The following IL1RAPL1 variants were observed in gnomAD, a reference collection of about 807,000 sequenced individuals.
The protein encoded by IL1RAPL1 is interleukin 1 receptor accessory protein like 1.
In IL1RAPL1, 3 loss-of-function variants were observed where a neutral mutation model predicts 48.4. The observed-to-expected ratio is 0.06, with a 90% CI of 0.03 to 0.16. The LOEUF (loss-of-function observed/expected upper bound fraction) is 0.16. Among genes scored for constraint, IL1RAPL1 ranks in the 10% least tolerant of loss-of-function variants. The pLI is 1.00. For synonymous variants in IL1RAPL1, 185 were observed against 187.7 expected (o/e 0.99, Z 0.12); for missense variants, 349 against 530.6 (o/e 0.66, Z 3.36).
chrX:29,237,288 T>G (rs1931328482), intron 2 of IL1RAPL1, among the ~76,000 whole-genome samples: 1 of 111,976 alleles, frequency 8.9e-6, no homozygotes, highest in Non-Finnish European at 1.9e-5. Context: ...GCATTTAAGT[T>G]TGTAGATACT....
chrX:29,600,620 A>G (rs914219591), intron 5 of IL1RAPL1, among the ~76,000 whole-genome samples: 1 of 111,258 alleles, frequency 9.0e-6, no homozygotes, highest in Non-Finnish European at 1.9e-5. Flanking sequence ...GGGCAGGGCC[A>G]TAGACCTCCC....
chrX:28,943,281 TAGAG>T (rs773041389), intron 2 of IL1RAPL1, among the ~76,000 whole-genome samples: 1 of 109,098 alleles, frequency 9.2e-6, no homozygotes, highest in African/African-American at 3.3e-5. Flanking sequence ...GGCAGGGGGA[TAGAG>T]AGACAGAAAT....
chrX:29,621,938 T>C (rs920967734), intron 5 of IL1RAPL1, among the ~76,000 whole-genome samples: 1 of 112,038 alleles, frequency 8.9e-6, no homozygotes, highest in Non-Finnish European at 1.9e-5. Flanking sequence ...CTTCCTACGC[T>C]GTGGTAACAA....
chrX:29,884,077 C>G (rs1049726923), intron 6 of IL1RAPL1, among the ~76,000 whole-genome samples: 6 of 111,495 alleles, frequency 5.4e-5, no homozygotes, highest in African/African-American at 2.0e-4. Context: ...TTGGTAGACA[C>G]ACATTTCTCA....
intron 2 of IL1RAPL1, among the ~76,000 whole-genome samples, chrX:28,793,497 ATATTAT>A (rs766800914): frequency 9.0e-6 from 1 of 111,635 alleles, no homozygotes; most frequent in Non-Finnish European, 1.9e-5. Flanking sequence ...AACTATAAAA[ATATTAT>A]TATTACTTTG....
intron 2 of IL1RAPL1, among the ~76,000 whole-genome samples, chrX:29,075,414 G>A (rs1480390533): frequency 9.0e-6 from 1 of 111,648 alleles, no homozygotes; most frequent in Non-Finnish European, 1.9e-5. Context: ...GATTGAAAGG[G>A]ATAGCTAATG....
chrX:29,722,341 CTG>C (rs1428988755), intron 6 of IL1RAPL1, among the ~76,000 whole-genome samples: 1 of 111,983 alleles, frequency 8.9e-6, no homozygotes, highest in Admixed American at 9.5e-5. Context: ...CAGATAAATT[CTG>C]TCTTTGAATG....
chrX:29,210,578 C>G (rs1225385694), intron 2 of IL1RAPL1, among the ~76,000 whole-genome samples: 1 of 111,921 alleles, frequency 8.9e-6, no homozygotes, highest in African/African-American at 3.2e-5. Context: ...AATAATCTAA[C>G]TTCAGCCAGC....
chrX:28,787,791 A>G (rs1265607690), intron 1 of IL1RAPL1, among the ~76,000 whole-genome samples: 3 of 111,780 alleles, frequency 2.7e-5, no homozygotes, highest in Non-Finnish European at 5.6e-5. Flanking sequence ...TTCATCTTTA[A>G]TAAAGTTATA....
chrX:29,779,622 TA>T (rs201499090), intron 6 of IL1RAPL1, among the ~76,000 whole-genome samples: 1,122 of 110,907 alleles, frequency 0.01, 11 homozygotes, highest in African/African-American at 0.035. Flanking sequence ...GAAAAAATAA[TA>T]AAAAAATAAA....
chrX:29,411,546 A>T lies in IL1RAPL1; in HGVS notation c.703+12238A>T, dbSNP rs759762931. 3.4e-3 allele frequency among the ~76,000 whole-genome samples: 374 copies of T among 111,427 alleles called. 2 individuals are homozygous for T. Among genetic ancestry groups the T allele is most frequent in the African/African-American group, 0.011 (351 of 30,683 alleles). On this transcript the variant is annotated intron_variant, in intron 5 of 10. Transcript: ENST00000378993. Reference sequence around the variant, plus strand: ...TTTCAAGTGTACTGAGAGTGTTTTCATTATAATAACCCTGCCAGTGTAATC... The same window carrying T: ...TTTCAAGTGTACTGAGAGTGTTTTCTTTATAATAACCCTGCCAGTGTAATC...
chrX:29,463,427 CA>C (rs1165883280), intron 5 of IL1RAPL1, among the ~76,000 whole-genome samples: 1 of 112,199 alleles, frequency 8.9e-6, no homozygotes, highest in Non-Finnish European at 1.9e-5. Context: ...CCGGCAGAAA[CA>C]AACCCAATTA....
chrX:29,727,421 T>G (rs1927802388), intron 6 of IL1RAPL1, among the ~76,000 whole-genome samples: 1 of 111,951 alleles, frequency 8.9e-6, no homozygotes, highest in Admixed American at 9.5e-5. Context: ...TTGGGTAAAT[T>G]AGCACTTGGA....
At chrX:29,691,772 A>AATG (rs34962805) in intron 6 of IL1RAPL1, among the ~76,000 whole-genome samples, 2 of 90,135 alleles carry the variant, frequency 2.2e-5, no homozygotes, top group East Asian at 7.6e-4. Flanking sequence ...AAAAAAAAAA[A>AATG]CTCACTATAC....
intron 6 of IL1RAPL1, among the ~76,000 whole-genome samples, chrX:29,911,399 G>A (rs988095882): frequency 9.0e-6 from 1 of 111,398 alleles, no homozygotes; most frequent in Non-Finnish European, 1.9e-5. Context: ...AATTGATTGT[G>A]GTTCTGATTG....
chrX:29,870,511 A>T (rs1931780446), intron 6 of IL1RAPL1, among the ~76,000 whole-genome samples: 1 of 111,702 alleles, frequency 9.0e-6, no homozygotes, highest in African/African-American at 3.3e-5. Context: ...TATTAGTCAT[A>T]ATTCCCTGTA....
At chrX:28,648,326 A>T (rs940209652) in intron 1 of IL1RAPL1, among the ~76,000 whole-genome samples, 2 of 111,648 alleles carry the variant, frequency 1.8e-5, no homozygotes, top group Admixed American at 9.6e-5. Context: ...CTCTATTCAA[A>T]TCTTTCTTCT....
intron 5 of IL1RAPL1, among the ~76,000 whole-genome samples, chrX:29,524,803 C>A (rs1292337623): frequency 8.9e-6 from 1 of 112,126 alleles, no homozygotes; most frequent in African/African-American, 3.2e-5. Context: ...ACGAAAGTGT[C>A]GTAATGCAGC....
At chrX:29,796,755 A>G (rs1287203989) in intron 6 of IL1RAPL1, among the ~76,000 whole-genome samples, 1 of 112,812 alleles carries the variant, frequency 8.9e-6, no homozygotes, top group Non-Finnish European at 1.9e-5. Context: ...GCTTCTGTCT[A>G]AACATGGAAG....
Sources: allele counts gnomAD v4.1 joint callset (sites outside exome capture counted in the v4.1 genomes callset), GRCh38; gene constraint gnomAD v4.1.1; transcripts MANE v1.5; gene names NCBI Gene and HGNC (gene_info 2026-07-23, HGNC 2026-07-21).